Variants in NECTIN1 observed in about 807,000 individuals in gnomAD.
The protein encoded by NECTIN1 is nectin cell adhesion molecule 1, also known as nectin-1.
NECTIN1 carries 23 observed loss-of-function variants against 48.0 expected under a neutral mutation model. That is an observed-to-expected ratio of 0.48 (90% CI 0.34 to 0.68). The LOEUF (loss-of-function observed/expected upper bound fraction) is 0.68. Among genes scored for constraint, NECTIN1 ranks in the 30% least tolerant of loss-of-function variants. NECTIN1 has a pLI of 0.01. For synonymous variants in NECTIN1, 270 were observed against 288.9 expected (o/e 0.93, Z 0.66); for missense variants, 591 against 709.9 (o/e 0.83, Z 1.90).
At chr11:119,675,544 C>T (rs1421860517) in intron 4 of NECTIN1, 4 of 509,456 alleles carry the variant, frequency 7.9e-6, no homozygotes, top group South Asian at 4.4e-5. Context: ...AGGTAGGTGC[C>T]GGTCCCCCTT....
At chr11:119,640,053 T>C in intron 5 of NECTIN1, 1 of 1,557,614 alleles carries the variant, frequency 6.4e-7, no homozygotes, top group South Asian at 1.2e-5. Context: ...AGAGAGAAAC[T>C]CAAGTGACCC....
At position 119,661,099 on chromosome 11, in the gene NECTIN1, C is replaced by T; in HGVS notation, c.*3648G>A. 5 of 985,116 alleles carry T rather than the reference C, an allele frequency of 5.1e-6. No individual in the cohort carries two copies. The highest frequency in any genetic ancestry group is 6.0e-6 in the Non-Finnish European group (5 of 829,324). The allele number at this position is 985,116 out of a possible 1,614,324, so 61.0% of individuals were successfully genotyped here. ...GTAAAAGGGGGTGATGCAAACACCC[C>T]CCAGGTCAGAACCAGGAGGATCTGC... On this transcript the variant is annotated 3_prime_UTR_variant, in exon 6 of 6. Transcript: ENST00000264025.
At chr11:119,692,553 C>T (rs1169570581) in intron 1 of NECTIN1, among the ~76,000 whole-genome samples, 1 of 152,262 alleles carries the variant, frequency 6.6e-6, no homozygotes, top group African/African-American at 2.4e-5. Context: ...CTCCTTCCCT[C>T]CCTGGGGGAG....
Position 119,664,097 on chromosome 11 carries a change from A to G in NECTIN1, c.*650T>C. 4 of 985,614 alleles carry G rather than the reference A, an allele frequency of 4.1e-6. No individual in the cohort carries two copies. The highest frequency in any genetic ancestry group is 4.8e-6 in the Non-Finnish European group (4 of 829,966). 61.1% of individuals were successfully genotyped at this position (985,614 alleles called of 1,614,324 possible). A position where few individuals can be genotyped will look rare whatever the true frequency, so the allele number is the denominator to read the frequency against. ...CTCCACTCTCTGTGGGCCAATGAGG[A>G]AAAAAAATGTAAAACCACCCTCAGC... On this transcript the variant is annotated 3_prime_UTR_variant, in exon 6 of 6. Transcript: ENST00000264025.
At chr11:119,705,525 C>T (rs1395112202) in intron 1 of NECTIN1, among the ~76,000 whole-genome samples, 1 of 152,316 alleles carries the variant, frequency 6.6e-6, no homozygotes, top group Non-Finnish European at 1.5e-5. Flanking sequence ...ATATTCCAGG[C>T]AGAGGCAGCA....
At chr11:119,645,429 C>T (rs906573363) in intron 5 of NECTIN1, among the ~76,000 whole-genome samples, 9 of 152,140 alleles carry the variant, frequency 5.9e-5, no homozygotes, top group Non-Finnish European at 1.3e-4. Flanking sequence ...ACTGTGAGAA[C>T]CCAGGACCCC....
At position 119,678,602 on chromosome 11, in the gene NECTIN1, G is replaced by A. The variant is rs1481869819; in HGVS notation, c.243C>T (p.Tyr81=). The A allele has an allele frequency of 3.1e-6, 5 of 1,614,230 alleles. No individual in the cohort carries two copies. Among genetic ancestry groups the A allele is most frequent in the African/African-American group, 1.3e-5 (1 of 75,066 alleles). The change falls in exon 2 of 6, where the codon TAC becomes TAT. Residue 81 remains tyrosine (Y), a synonymous_variant. Coordinates refer to ENST00000264025, the MANE Select transcript of NECTIN1 (RefSeq NM_002855.5). The surrounding 1 kb of genome is among the most constrained non-coding windows in gnomAD (Gnocchi z 4.4). Reference sequence around the variant, plus strand: ...GCACGGACACGCCCATGGATGGGTTGTAGATGGCCACGTTCTGCTTGGAGC... The same window carrying A: ...GCACGGACACGCCCATGGATGGGTTATAGATGGCCACGTTCTGCTTGGAGC... The part of the protein sequence containing the change: ...TNGSKQNVAI[Y]NPSMGVSVLA...
At chr11:119,660,066 A>C (rs1864636510), downstream of NECTIN1, among the ~76,000 whole-genome samples, 1 of 152,154 alleles carries the variant, frequency 6.6e-6, no homozygotes, top group South Asian at 2.1e-4. Flanking sequence ...GTCCAGCCCC[A>C]ATCCTGGGTG....
At chr11:119,698,738 T>C (rs1224730962) in intron 1 of NECTIN1, among the ~76,000 whole-genome samples, 2 of 152,176 alleles carry the variant, frequency 1.3e-5, no homozygotes, top group African/African-American at 4.8e-5. Flanking sequence ...TTCAGTAAAA[T>C]AACGTATGTA....
chr11:119,647,507 C>T (rs1054606861), intron 5 of NECTIN1, among the ~76,000 whole-genome samples: 1 of 152,104 alleles, frequency 6.6e-6, no homozygotes, highest in Non-Finnish European at 1.5e-5. Flanking sequence ...GCGCAGGGAC[C>T]TGACCCCCAG....
At chr11:119,660,492 C>T (rs891874963), downstream of NECTIN1, among the ~76,000 whole-genome samples, 3 of 152,152 alleles carry the variant, frequency 2.0e-5, no homozygotes, top group African/African-American at 7.2e-5. Context: ...GGATAAAGCT[C>T]TCAGCTCTTC....
At chr11:119,712,490 C>G (rs1865670588) in intron 1 of NECTIN1, among the ~76,000 whole-genome samples, 1 of 152,154 alleles carries the variant, frequency 6.6e-6, no homozygotes, top group Non-Finnish European at 1.5e-5. Context: ...ACTGTACTCT[C>G]AGCCCCAGCA....
Position 119,663,963 on chromosome 11 carries a change from T to C in NECTIN1, c.*784A>G. 1.0e-6 allele frequency: 1 copy of C among 986,156 alleles called. No individual in the cohort carries two copies. Among genetic ancestry groups the C allele is most frequent in the Non-Finnish European group, 1.2e-6 (1 of 830,528 alleles). 61.1% of individuals were successfully genotyped at this position (986,156 alleles called of 1,614,324 possible). A position where few individuals can be genotyped will look rare whatever the true frequency, so the allele number is the denominator to read the frequency against. On this transcript the variant is annotated 3_prime_UTR_variant, in exon 6 of 6. Coordinates refer to ENST00000264025, the MANE Select transcript of NECTIN1 (RefSeq NM_002855.5). Reference sequence around the variant, plus strand: ...AGCAGTGTGTGCATGTGTGTGTGTGTGCACGTGTCAGCAGAGGCAGAGAGC... The same window carrying C: ...AGCAGTGTGTGCATGTGTGTGTGTGCGCACGTGTCAGCAGAGGCAGAGAGC...
At chr11:119,671,341 CCT>C (rs1238544445) in intron 5 of NECTIN1, among the ~76,000 whole-genome samples, 1 of 152,058 alleles carries the variant, frequency 6.6e-6, no homozygotes, top group Non-Finnish European at 1.5e-5. Flanking sequence ...TCCCTCACAT[CCT>C]CTTACAAAGG....
intron 1 of NECTIN1, among the ~76,000 whole-genome samples, chr11:119,725,612 A>G (rs917489381): frequency 6.6e-6 from 1 of 152,230 alleles, no homozygotes; most frequent in Admixed American, 6.5e-5. Flanking sequence ...ACACCACTGT[A>G]TGTGAGAAAT....
chr11:119,677,231 G>C lies in NECTIN1; in HGVS notation c.734-12C>G, dbSNP rs570560677. The C allele has an allele frequency of 3.7e-6, 6 of 1,609,774 alleles. No individual in the cohort carries two copies. Among genetic ancestry groups the C allele is most frequent in the Non-Finnish European group, 5.1e-6 (6 of 1,176,088 alleles). On this transcript the variant is annotated splice_polypyrimidine_tract_variant and intron_variant, in intron 3 of 5. Transcript: ENST00000264025. The surrounding 1 kb of genome is among the most constrained non-coding windows in gnomAD (Gnocchi z 5.4). ...TACCTCAGGCTCATCTGTGGGGCAAGGGATGTTTGAAGAGGGTGAGGTCAG... is the reference window on the plus strand; with the variant it reads ...TACCTCAGGCTCATCTGTGGGGCAACGGATGTTTGAAGAGGGTGAGGTCAG...
chr11:119,726,338 G>A (rs1865906704), intron 1 of NECTIN1, among the ~76,000 whole-genome samples: 1 of 152,136 alleles, frequency 6.6e-6, no homozygotes, highest in Non-Finnish European at 1.5e-5. Flanking sequence ...ATATCCACCT[G>A]CCTCCCTGCA....
chr11:119,649,797 C>A (rs147492735), intron 5 of NECTIN1, among the ~76,000 whole-genome samples: 54 of 152,328 alleles, frequency 3.5e-4, no homozygotes, highest in African/African-American at 1.3e-3. Context: ...TATAATTGAT[C>A]ATCCAGCTGC....
intron 1 of NECTIN1, chr11:119,713,748 G>A: frequency 2.3e-6 from 1 of 436,668 alleles, no homozygotes; most frequent in Non-Finnish European, 4.6e-6. Context: ...GGCCCACCCA[G>A]TCTTCACTTC....
Sources: gnomAD v4.1 joint callset for allele counts (sites outside exome capture counted in the v4.1 genomes callset) on GRCh38, gnomAD v4.1.1 for gene constraint, Gnocchi (gnomAD v3.1) non-coding constraint, MANE v1.5 for transcripts, NCBI Gene and HGNC (gene_info 2026-07-23, HGNC 2026-07-21) for gene names.